EIPR1: variants seen among roughly 807,000 people sequenced by gnomAD.
EIPR1 encodes EARP and GARP complex-interacting protein 1.
EIPR1 carries 25 observed loss-of-function variants against 48.1 expected under a neutral mutation model. The observed-to-expected ratio is 0.52, with a 90% CI of 0.38 to 0.73. The LOEUF (loss-of-function observed/expected upper bound fraction) is 0.73, where lower values mean the gene tolerates loss of function less well. EIPR1 is among the 30% of genes least tolerant of loss of function. The pLI is 0.00. For missense variants in EIPR1, 415 were observed against 506.2 expected (o/e 0.82, Z 1.73); for synonymous variants, 204 against 201.9 (o/e 1.01, Z -0.09).
At chr2:3,273,898 C>T (rs952773841) in intron 3 of EIPR1, among the ~76,000 whole-genome samples, 10 of 152,066 alleles carry the variant, frequency 6.6e-5, no homozygotes, top group Non-Finnish European at 1.0e-4. Flanking sequence ...ATACTATAAT[C>T]GCAATGTTCG....
At chr2:3,199,100 TGTTA>T (rs1454543593) in intron 5 of EIPR1, among the ~76,000 whole-genome samples, 2 of 118,382 alleles carry the variant, frequency 1.7e-5, no homozygotes, top group Non-Finnish European at 3.4e-5. Context: ...TTTCCCGGGC[TGTTA>T]ATTATTAATA....
At chr2:3,310,424 T>C (rs13405241) in intron 3 of EIPR1, among the ~76,000 whole-genome samples, 68,952 of 144,348 alleles carry the variant, frequency 0.48, 18,718 homozygotes, top group East Asian at 0.81. Flanking sequence ...GAGGCCGAGG[T>C]GGGCGGATCA....
chr2:3,333,683 G>A (rs1262740335), intron 3 of EIPR1, among the ~76,000 whole-genome samples: 1 of 150,630 alleles, frequency 6.6e-6, no homozygotes, highest in African/African-American at 2.5e-5. Flanking sequence ...GGAGGTTGCA[G>A]TGAGCCAAGA....
At chr2:3,341,354 CT>C (rs2103356413) in intron 2 of EIPR1, among the ~76,000 whole-genome samples, 1 of 152,282 alleles carries the variant, frequency 6.6e-6, no homozygotes, top group Admixed American at 6.5e-5. Context: ...TCTGAGGGGT[CT>C]GCTGGGGTGT....
intron 2 of EIPR1, among the ~76,000 whole-genome samples, chr2:3,338,587 G>A (rs1031474264): frequency 3.3e-5 from 5 of 152,174 alleles, no homozygotes; most frequent in African/African-American, 1.2e-4. Flanking sequence ...GTCTGGGACT[G>A]ACCACGCCTG....
At chr2:3,313,874 G>A (rs1669202362) in intron 3 of EIPR1, among the ~76,000 whole-genome samples, 1 of 152,194 alleles carries the variant, frequency 6.6e-6, no homozygotes, top group South Asian at 2.1e-4. Context: ...AGAGGCAAGA[G>A]GGCTCATTAT....
chr2:3,208,421 C>T, intron 5 of EIPR1: 1 of 1,461,814 alleles, frequency 6.8e-7, no homozygotes, highest in Non-Finnish European at 9.0e-7. Context: ...CAGACCACGT[C>T]ACCTTCAGAC....
intron 5 of EIPR1, 69 bp from the exon 6 acceptor site, chr2:3,197,086 G>T: frequency 6.4e-7 from 1 of 1,555,440 alleles, no homozygotes; most frequent in Non-Finnish European, 8.8e-7. Context: ...TTCAGAAAAC[G>T]CGAGAGGATA....
At chr2:3,234,216 T>C (rs1666328018) in intron 4 of EIPR1, among the ~76,000 whole-genome samples, 1 of 152,246 alleles carries the variant, frequency 6.6e-6, no homozygotes, top group Non-Finnish European at 1.5e-5. Context: ...TTTTGCTGTT[T>C]TTTTTACCAA....
At chr2:3,268,275 CCT>C (rs1467768153) in intron 3 of EIPR1, among the ~76,000 whole-genome samples, 1 of 152,200 alleles carries the variant, frequency 6.6e-6, no homozygotes, top group Non-Finnish European at 1.5e-5. Context: ...CTATCTGCAC[CCT>C]GTCTATAGCC....
chr2:3,314,881 T>C (rs1182733325), intron 3 of EIPR1, among the ~76,000 whole-genome samples: 1 of 151,862 alleles, frequency 6.6e-6, no homozygotes, highest in Non-Finnish European at 1.5e-5. Context: ...CCTGGTGACC[T>C]GCCGCTCACT....
At chr2:3,295,634 A>G (rs1668547310) in intron 3 of EIPR1, among the ~76,000 whole-genome samples, 1 of 107,348 alleles carries the variant, frequency 9.3e-6, no homozygotes. Flanking sequence ...CTCTCTACAT[A>G]CACACACCCT....
chr2:3,303,112 C>A (rs1002115827), intron 3 of EIPR1, among the ~76,000 whole-genome samples: 1 of 152,242 alleles, frequency 6.6e-6, no homozygotes. Context: ...CCTATGTAAC[C>A]ATCCCCAGCC....
Position 3,255,516 on chromosome 2 carries a change from T to C in EIPR1, c.416+1783A>G, listed in dbSNP as rs1265967683. 3.3e-5 allele frequency among the ~76,000 whole-genome samples: 5 copies of C among 152,262 alleles called. No homozygotes were observed. In the East Asian group the frequency reaches 9.6e-4, roughly 29 times the overall value. The stretch of plus-strand genomic sequence containing the variant: ...CTATTTTCATAAGTCTATGTAGGTA[T>C]GATGCAATTTAACATTACAATCTAA... On this transcript the variant is annotated intron_variant, in intron 4 of 8. Transcript: ENST00000382125.
At chr2:3,280,042 T>C (rs1667969442) in intron 3 of EIPR1, among the ~76,000 whole-genome samples, 1 of 152,214 alleles carries the variant, frequency 6.6e-6, no homozygotes, top group South Asian at 2.1e-4. Context: ...ATTTGTATGA[T>C]TTCTATGGAG....
chr2:3,294,097 TTTAAAG>T (rs1278904134), intron 3 of EIPR1, among the ~76,000 whole-genome samples: 1 of 152,152 alleles, frequency 6.6e-6, no homozygotes, highest in Non-Finnish European at 1.5e-5. Context: ...AACAAATACA[TTTAAAG>T]TCATAAATGA....
At chr2:3,280,315 C>T (rs6716008) in intron 3 of EIPR1, among the ~76,000 whole-genome samples, 1 of 152,026 alleles carries the variant, frequency 6.6e-6, no homozygotes, top group African/African-American at 2.4e-5. Flanking sequence ...CGCTCCCTCA[C>T]GCACACAGAG....
intron 4 of EIPR1, among the ~76,000 whole-genome samples, chr2:3,240,672 A>AAAAC (rs1666583418): frequency 8.6e-6 from 1 of 115,856 alleles, no homozygotes; most frequent in Admixed American, 8.3e-5. Context: ...TTCCTCAAGA[A>AAAAC]CAGTGAGCAG....
At chr2:3,236,767 C>T (rs1447340467) in intron 4 of EIPR1, among the ~76,000 whole-genome samples, 1 of 152,154 alleles carries the variant, frequency 6.6e-6, no homozygotes, top group East Asian at 1.9e-4. Flanking sequence ...GTAACAAACA[C>T]AGAAAGATGA....
Sources: gnomAD v4.1 joint callset for allele counts (sites outside exome capture counted in the v4.1 genomes callset) on GRCh38, gnomAD v4.1.1 for gene constraint, MANE v1.5 for transcripts, NCBI Gene and HGNC (gene_info 2026-07-23, HGNC 2026-07-21) for gene names.